The following PACRG variants were observed in gnomAD, a reference collection of about 807,000 sequenced individuals.
PACRG encodes the protein parkin coregulated.
A neutral mutation model predicts 29.7 loss-of-function variants in PACRG; 29 were observed. The ratio of observed to expected loss-of-function variants is 0.98; its 90% confidence interval spans 0.73 to 1.33. PACRG has a LOEUF of 1.33. Among genes scored for constraint, PACRG ranks in the 40% most tolerant of loss-of-function variants. The pLI is 0.00. For missense variants in PACRG, 279 were observed against 316.2 expected (o/e 0.88, Z 0.89); for synonymous variants, 116 against 118.7 (o/e 0.98, Z 0.15).
intron 2 of PACRG, among the ~76,000 whole-genome samples, chr6:162,833,321 A>G (rs1788940717): frequency 6.6e-6 from 1 of 152,134 alleles, no homozygotes; most frequent in African/African-American, 2.4e-5. Flanking sequence ...AGATGACTTC[A>G]GTTTAATTTG....
intron 4 of PACRG, among the ~76,000 whole-genome samples, chr6:163,198,994 T>C (rs189330448): frequency 8.3e-4 from 126 of 152,292 alleles, no homozygotes; most frequent in Non-Finnish European, 9.8e-4. Context: ...TACATTCTTC[T>C]GAGTTTCTGA....
chr6:163,017,113 C>T (rs536345988), intron 2 of PACRG, among the ~76,000 whole-genome samples: 27 of 152,162 alleles, frequency 1.8e-4, no homozygotes, highest in African/African-American at 5.3e-4. Context: ...TAGATAGACT[C>T]GGTCAAGTCC....
chr6:163,093,699 A>G (rs1484773453), intron 4 of PACRG, among the ~76,000 whole-genome samples: 1 of 152,352 alleles, frequency 6.6e-6, no homozygotes, highest in Non-Finnish European at 1.5e-5. Context: ...AGACTCTGAT[A>G]ATGTTGTAAA....
intron 4 of PACRG, among the ~76,000 whole-genome samples, chr6:163,206,978 T>C (rs1345044935): frequency 2.0e-5 from 3 of 152,256 alleles, no homozygotes; most frequent in Non-Finnish European, 4.4e-5. Context: ...TTTATAAGTA[T>C]GTTCACTTTG....
chr6:163,233,008 T>C (rs1405479459), intron 4 of PACRG, among the ~76,000 whole-genome samples: 1 of 152,192 alleles, frequency 6.6e-6, no homozygotes, highest in African/African-American at 2.4e-5. Flanking sequence ...CCTGCCAGTG[T>C]AGCAAAGGGC....
intron 2 of PACRG, among the ~76,000 whole-genome samples, chr6:162,889,791 G>A (rs1322043292): frequency 1.3e-5 from 2 of 152,164 alleles, no homozygotes; most frequent in Non-Finnish European, 2.9e-5. Context: ...TCTTCGATAT[G>A]CACTTACATA....
At chr6:163,087,036 A>T (rs1332269163) in intron 3 of PACRG, among the ~76,000 whole-genome samples, 2 of 152,082 alleles carry the variant, frequency 1.3e-5, no homozygotes, top group Admixed American at 6.5e-5. Context: ...TGATCAGATA[A>T]GCTTGAGGGA....
intron 4 of PACRG, among the ~76,000 whole-genome samples, chr6:163,256,199 C>G (rs757394113): frequency 6.6e-6 from 1 of 152,186 alleles, no homozygotes; most frequent in African/African-American, 2.4e-5. Context: ...TCAAAATCAG[C>G]TATTAATCCT....
rs114281779 is a variant in PACRG at position 163,178,243 on chromosome 6, G to A, written c.613+88835G>A. Reference sequence around the variant, plus strand: ...TCCCACCTTGTTGCCTCATGAGCACGCCCCATGCAATTCTGGGCACCACCC... The same window carrying A: ...TCCCACCTTGTTGCCTCATGAGCACACCCCATGCAATTCTGGGCACCACCC... On this transcript the variant is annotated intron_variant, in intron 4 of 4. Coordinates refer to ENST00000366888, the MANE Select transcript of PACRG (RefSeq NM_001080379.2). Among the ~76,000 whole-genome samples the A allele has an allele frequency of 9.1e-3, 1,382 of 152,266 alleles. 21 individuals carry two copies. Among genetic ancestry groups the A allele is most frequent in the African/African-American group, 0.032 (1,318 of 41,556 alleles).
At chr6:162,766,250 A>G (rs771757541) in intron 1 of PACRG, among the ~76,000 whole-genome samples, 66 of 151,782 alleles carry the variant, frequency 4.3e-4, no homozygotes, top group Admixed American at 2.0e-3. Flanking sequence ...CCACCATTCT[A>G]CTCTCTAGTT....
intron 2 of PACRG, among the ~76,000 whole-genome samples, chr6:162,863,571 G>A (rs945722818): frequency 2.3e-4 from 35 of 152,188 alleles, no homozygotes; most frequent in African/African-American, 8.4e-4. Flanking sequence ...ACTGAGCAGT[G>A]GAGTAACCCA....
Position 162,951,743 on chromosome 6 carries a change from C to T in PACRG, c.292-110407C>T, listed in dbSNP as rs555462062. The stretch of plus-strand genomic sequence containing the variant: ...TTTATTTTAAAGATTTCATCAGTTA[C>T]AGGGTGCAAACATTCCAGGGATGGC... On this transcript the variant is annotated intron_variant, in intron 2 of 4. Coordinates refer to ENST00000366888, the MANE Select transcript of PACRG (RefSeq NM_001080379.2). Among the ~76,000 whole-genome samples the T allele has an allele frequency of 7.9e-5, 12 of 152,260 alleles. No homozygotes were observed. In the South Asian group the frequency reaches 2.5e-3, roughly 32 times the overall value.
At chr6:163,286,889 T>C (rs1784420703) in intron 4 of PACRG, among the ~76,000 whole-genome samples, 1 of 152,146 alleles carries the variant, frequency 6.6e-6, no homozygotes, top group Non-Finnish European at 1.5e-5. Flanking sequence ...TGTAGATGTA[T>C]GTGCATATAT....
At chr6:163,020,568 G>C (rs1026026900) in intron 2 of PACRG, among the ~76,000 whole-genome samples, 7 of 152,146 alleles carry the variant, frequency 4.6e-5, no homozygotes, top group Admixed American at 3.9e-4. Context: ...ATTCCACAGA[G>C]CGGCTGCCTG....
At chr6:163,112,529 T>C (rs977786544) in intron 4 of PACRG, among the ~76,000 whole-genome samples, 1 of 152,202 alleles carries the variant, frequency 6.6e-6, no homozygotes, top group Non-Finnish European at 1.5e-5. Flanking sequence ...AGGGAACTTA[T>C]ATGGCCAGTA....
intron 4 of PACRG, chr6:163,310,417 G>A (rs763321422): frequency 6.6e-6 from 1 of 152,246 alleles, no homozygotes; most frequent in Non-Finnish European, 1.5e-5. Context: ...GGCTTCCTCA[G>A]CTGGATGGCA....
intron 2 of PACRG, among the ~76,000 whole-genome samples, chr6:162,890,389 T>C (rs2128038150): frequency 6.6e-6 from 1 of 152,322 alleles, no homozygotes; most frequent in Non-Finnish European, 1.5e-5. Flanking sequence ...TAAGAAATTT[T>C]CTGTTTTTTT....
intron 4 of PACRG, among the ~76,000 whole-genome samples, chr6:163,117,392 G>C (rs1247622747): frequency 6.6e-6 from 1 of 152,222 alleles, no homozygotes; most frequent in African/African-American, 2.4e-5. Context: ...CACTAAGGAG[G>C]CTGGTGGTGA....
At chr6:162,996,989 C>G (rs1804126937) in intron 2 of PACRG, among the ~76,000 whole-genome samples, 1 of 152,086 alleles carries the variant, frequency 6.6e-6, no homozygotes, top group Non-Finnish European at 1.5e-5. Flanking sequence ...CTGTTTAGTA[C>G]TAGATTTTAT....
Sources: gnomAD v4.1 joint callset for allele counts (sites outside exome capture counted in the v4.1 genomes callset) on GRCh38, gnomAD v4.1.1 for gene constraint, MANE v1.5 for transcripts, NCBI Gene and HGNC (gene_info 2026-07-23, HGNC 2026-07-21) for gene names.